STXBP5: variants seen among roughly 807,000 people sequenced by gnomAD.
The protein encoded by STXBP5 is syntaxin-binding protein 5.
STXBP5 carries 50 observed loss-of-function variants against 152.4 expected under a neutral mutation model. That is an observed-to-expected ratio of 0.33 (90% CI 0.26 to 0.42). The LOEUF (loss-of-function observed/expected upper bound fraction) is 0.42, where lower values mean the gene tolerates loss of function less well. Among genes scored for constraint, STXBP5 ranks in the 10% least tolerant of loss-of-function variants. STXBP5 has a pLI of 1.00. For missense variants in STXBP5, 1,167 were observed against 1,388.6 expected, an observed-to-expected ratio of 0.84 and a Z score of 2.54; for synonymous variants, 492 against 494.7, an observed-to-expected ratio of 0.99 and a Z score of 0.07.
intron 8 of STXBP5, among the ~76,000 whole-genome samples, chr6:147,289,348 G>A (rs1053733239): frequency 2.0e-5 from 3 of 152,056 alleles, no homozygotes; most frequent in Admixed American, 6.6e-5. Context: ...CTTTAAGATC[G>A]CTTTGTCCAA....
intron 9 of STXBP5, among the ~76,000 whole-genome samples, chr6:147,294,262 T>G (rs79107005): frequency 0.031 from 4,715 of 152,112 alleles, 118 homozygotes; most frequent in Non-Finnish European, 0.05. Flanking sequence ...TCAGACTACT[T>G]GGGTCTGAAT....
At chr6:147,287,117 G>T (rs1781005149) in intron 8 of STXBP5, among the ~76,000 whole-genome samples, 1 of 149,324 alleles carries the variant, frequency 6.7e-6, no homozygotes. Context: ...CATAGAGAAT[G>T]GGGTATTAAT....
intron 23 of STXBP5, among the ~76,000 whole-genome samples, chr6:147,361,506 G>C (rs560455754): frequency 6.6e-6 from 1 of 152,238 alleles, no homozygotes; most frequent in Non-Finnish European, 1.5e-5. Context: ...CATCGGTATT[G>C]GAGCCCTGAG....
intron 4 of STXBP5, among the ~76,000 whole-genome samples, chr6:147,249,626 A>T (rs535696173): frequency 3.9e-4 from 60 of 152,324 alleles, no homozygotes; most frequent in African/African-American, 1.4e-3. Flanking sequence ...AAAATGCAAG[A>T]GGAGAGAGAA....
intron 14 of STXBP5, 41 bp downstream of exon 14, chr6:147,314,677 A>G (rs1259324545): frequency 1.4e-6 from 2 of 1,475,280 alleles, no homozygotes; most frequent in African/African-American, 1.4e-5. Context: ...TATGTTATAC[A>G]ATCACTGCTT....
At chr6:147,266,140 A>G (rs1779881351) in intron 6 of STXBP5, among the ~76,000 whole-genome samples, 1 of 152,108 alleles carries the variant, frequency 6.6e-6, no homozygotes, top group Non-Finnish European at 1.5e-5. Flanking sequence ...AATATACTGT[A>G]ATGTATTGAG....
intron 9 of STXBP5, among the ~76,000 whole-genome samples, chr6:147,302,357 G>A (rs886652007): frequency 5.3e-5 from 8 of 152,048 alleles, no homozygotes; most frequent in African/African-American, 1.4e-4. Flanking sequence ...AGCATAATAC[G>A]CTCTGAGGCT....
chr6:147,306,504 T>C (rs1782100166), intron 9 of STXBP5, among the ~76,000 whole-genome samples: 1 of 152,194 alleles, frequency 6.6e-6, no homozygotes, highest in African/African-American at 2.4e-5. Flanking sequence ...CTCAACTGAA[T>C]GCTATCATAC....
At chr6:147,205,049 G>A (rs187411558) in intron 1 of STXBP5, among the ~76,000 whole-genome samples, 1 of 152,244 alleles carries the variant, frequency 6.6e-6, no homozygotes, top group African/African-American at 2.4e-5. Context: ...TTTGGAAACG[G>A]TGTCTAATGA....
chr6:147,371,728 T>G (rs961565413), intron 25 of STXBP5, among the ~76,000 whole-genome samples: 2 of 152,188 alleles, frequency 1.3e-5, no homozygotes, highest in Non-Finnish European at 2.9e-5. Flanking sequence ...ACTTTACCCT[T>G]GTAAAATTGT....
chr6:147,385,743 T>C lies in STXBP5; in HGVS notation c.*988T>C, dbSNP rs1471501122. 6 of 151,600 alleles carry C rather than the reference T, an allele frequency of 4.0e-5. No individual in the cohort carries two copies. Among genetic ancestry groups the C allele is most frequent in the East Asian group, 3.9e-4 (2 of 5,174 alleles). The allele number at this position is 151,600 out of a possible 1,614,324, so 9.4% of individuals were successfully genotyped here. On this transcript the variant is annotated 3_prime_UTR_variant, in exon 28 of 28. Transcript: ENST00000321680. ...ATTAAAATTGCTTAAAAAAAAACTT[T>C]CATTATTTCAGTAAAATGCTCAGCT...
At chr6:147,366,370 A>G (rs1785290680) in intron 25 of STXBP5, among the ~76,000 whole-genome samples, 2 of 152,248 alleles carry the variant, frequency 1.3e-5, no homozygotes, top group African/African-American at 4.8e-5. Context: ...TAGTTTCCTG[A>G]GGCCACAAAC....
chr6:147,227,824 G>C (rs986647151), intron 2 of STXBP5, among the ~76,000 whole-genome samples: 1 of 151,952 alleles, frequency 6.6e-6, no homozygotes, highest in Non-Finnish European at 1.5e-5. Context: ...TTCCTGTGAT[G>C]ACTTTTTTAT....
intron 19 of STXBP5, among the ~76,000 whole-genome samples, chr6:147,336,504 A>G: frequency 6.6e-6 from 1 of 152,004 alleles, no homozygotes; most frequent in East Asian, 1.9e-4. Context: ...CACGGTGGTC[A>G]AAAAAGAATA....
At chr6:147,271,356 T>G (rs1780160044) in intron 7 of STXBP5, among the ~76,000 whole-genome samples, 1 of 151,758 alleles carries the variant, frequency 6.6e-6, no homozygotes, top group Admixed American at 6.6e-5. Context: ...ACCAACAGAG[T>G]AGACATTCTT....
In STXBP5 at chr6:147,208,256, G is replaced by C. The variant is rs191003102; in HGVS notation, c.248+2188G>C. 1.2e-4 allele frequency among the ~76,000 whole-genome samples: 18 copies of C among 152,166 alleles called. No individual in the cohort carries two copies. In the East Asian group the frequency reaches 2.9e-3, roughly 24 times the overall value. ...ACATTCCAGAGTGCTAAATTGGCTT[G>C]CTTGCCAGTAATACCACCTAGTCAT... On this transcript the variant is annotated intron_variant, in intron 2 of 27. Coordinates refer to ENST00000321680, the MANE Select transcript of STXBP5 (RefSeq NM_001127715.4).
chr6:147,334,257 T>A, intron 19 of STXBP5, 35 bp downstream of exon 19: 1 of 1,585,150 alleles, frequency 6.3e-7, no homozygotes, highest in Non-Finnish European at 8.6e-7. Context: ...TTAATAATTA[T>A]GATTTACAAA....
intron 26 of STXBP5, among the ~76,000 whole-genome samples, chr6:147,381,358 A>G (rs1291896643): frequency 6.6e-6 from 1 of 152,174 alleles, no homozygotes; most frequent in African/African-American, 2.4e-5. Context: ...ACTAGGATGG[A>G]TGTCATCAAA....
intron 24 of STXBP5, 64 bp from the exon 25 acceptor site, chr6:147,363,937 A>G (rs1785179901): frequency 1.3e-6 from 2 of 1,528,136 alleles, no homozygotes; most frequent in Non-Finnish European, 1.8e-6. Context: ...ATTTTTAACA[A>G]TGATAGTGTG....
Sources: gnomAD v4.1 joint callset for allele counts (sites outside exome capture counted in the v4.1 genomes callset) on GRCh38, gnomAD v4.1.1 for gene constraint, MANE v1.5 for transcripts, NCBI Gene and HGNC (gene_info 2026-07-23, HGNC 2026-07-21) for gene names.